ROMO1: variants seen among roughly 807,000 people sequenced by gnomAD.
ROMO1 encodes PCM19.
ROMO1 carries 8 observed loss-of-function variants against 7.4 expected under a neutral mutation model. The observed-to-expected ratio is 1.08, with a 90% CI of 0.63 to 1.95. The LOEUF (loss-of-function observed/expected upper bound fraction) is 1.95. ROMO1 is among the 30% of genes most tolerant of loss of function. The pLI, the probability that ROMO1 is intolerant of heterozygous loss-of-function variation, is 0.00. For synonymous variants in ROMO1, 43 were observed against 41.4 expected, an observed-to-expected ratio of 1.04 and a Z score of -0.15; for missense variants, 91 against 115.9, an observed-to-expected ratio of 0.79 and a Z score of 0.99.
In ROMO1 at chr20:35,699,426, G is replaced by A; in HGVS notation, c.-31G>A. On this transcript the variant is annotated 5_prime_UTR_variant, in exon 1 of 3. Coordinates refer to ENST00000374077, the MANE Select transcript of ROMO1 (RefSeq NM_080748.3). The surrounding 1 kb of genome is among the most constrained non-coding windows in gnomAD (Gnocchi z 4.4). ...CGTCGTTTTCCGTGAGAGACGTAGA[G>A]CTGAGCGACCCAGCCCGCGAGCGAG... 1 of 1,190,136 alleles carries A rather than the reference G, an allele frequency of 8.4e-7. No individual in the cohort carries two copies. Among genetic ancestry groups the A allele is most frequent in the Non-Finnish European group, 1.1e-6 (1 of 877,750 alleles). 73.7% of individuals were successfully genotyped at this position (1,190,136 alleles called of 1,614,324 possible). A position where few individuals can be genotyped will look rare whatever the true frequency, so the allele number is the denominator to read the frequency against.
Position 35,699,724 on chromosome 20 carries a change from TGGC to T in ROMO1, c.96_98del (p.Ala33del). 3 of 1,612,978 alleles carry T rather than the reference TGGC, an allele frequency of 1.9e-6. No individual in the cohort carries two copies. The highest frequency in any genetic ancestry group is 2.5e-6 in the Non-Finnish European group (3 of 1,179,948). The stretch of plus-strand genomic sequence containing the variant: ...TTCGTGATGGGTTGCGCCGTGGGCA[TGGC>T]GGCCGGGGCGCTCTTCGGCACCTTT... On this transcript the variant is annotated inframe_deletion, in exon 2 of 3. Coordinates refer to ENST00000374077, the MANE Select transcript of ROMO1 (RefSeq NM_080748.3). This position sits in a 1 kb window ranked among gnomAD's most constrained non-coding sequence, Gnocchi z 4.4.
Position 35,700,889 on chromosome 20 carries a change from A to C in ROMO1, c.223A>C (p.Met75Leu). Reference sequence around the variant, plus strand: ...CTTTGGCACATTCATGGCCATTGGGATGGGCATCCGATGCTAACCATGGTT... The same window carrying C: ...CTTTGGCACATTCATGGCCATTGGGCTGGGCATCCGATGCTAACCATGGTT... ...GTFGTFMAIG[M>L]GIRC The change falls in exon 3 of 3, where the codon ATG becomes CTG. Residue 75 changes from methionine to leucine, a missense_variant. By Grantham distance (15) the Met-to-Leu change is conservative (BLOSUM62 2). Transcript: ENST00000374077. 6.2e-7 allele frequency: 1 copy of C among 1,613,630 alleles called. No homozygotes were observed. Among genetic ancestry groups the C allele is most frequent in the South Asian group, 1.1e-5 (1 of 91,068 alleles).
rs1234643944 is a variant in ROMO1 at position 35,699,873 on chromosome 20, C to G, written c.131+110C>G. On this transcript the variant is annotated intron_variant, in intron 2 of 2. Transcript: ENST00000374077. The surrounding 1 kb of genome is among the most constrained non-coding windows in gnomAD (Gnocchi z 4.4). Reference sequence around the variant, plus strand: ...TCCTTCTTTCGACTTCCCTCTCTGTCCCCTCGCGAGCCAGACTCATTCCAA... The same window carrying G: ...TCCTTCTTTCGACTTCCCTCTCTGTGCCCTCGCGAGCCAGACTCATTCCAA... 7.9e-6 allele frequency: 11 copies of G among 1,394,952 alleles called. No homozygotes were observed. The highest frequency in any genetic ancestry group is 1.4e-5 in the South Asian group (1 of 72,730). The allele number at this position is 1,394,952 out of a possible 1,614,324, so 86.4% of individuals were successfully genotyped here.
rs867835237 is a variant in ROMO1, at chr20:35,700,970, G to A, written c.*64G>A. On this transcript the variant is annotated 3_prime_UTR_variant, in exon 3 of 3. Coordinates refer to ENST00000374077, the MANE Select transcript of ROMO1 (RefSeq NM_080748.3). Reference sequence around the variant, plus strand: ...CCAGCCCATGTACTAATAAAAGAAAGTCTTTGAGTAGTCAGTGTCCCTCTC... The same window carrying A: ...CCAGCCCATGTACTAATAAAAGAAAATCTTTGAGTAGTCAGTGTCCCTCTC... 2.6e-6 allele frequency: 3 copies of A among 1,152,886 alleles called. No homozygotes were observed. The highest frequency in any genetic ancestry group is 3.9e-6 in the Non-Finnish European group (3 of 760,370). 71.4% of individuals were successfully genotyped at this position (1,152,886 alleles called of 1,614,324 possible).
chr20:35,699,568 A>T lies in ROMO1; in HGVS notation c.1-65A>T, dbSNP rs913243991. The T allele has an allele frequency of 6.3e-6, 10 of 1,598,558 alleles. No homozygotes were observed. In the African/African-American group the frequency reaches 1.2e-4, roughly 19 times the overall value. ...AGCCCTTGGGCCCACTTCCCAGCCT[A>T]CCGCTTCCGTCCCCGCCCGACTCTT... On this transcript the variant is annotated intron_variant, in intron 1 of 2. Transcript: ENST00000374077. This position sits in a 1 kb window ranked among gnomAD's most constrained non-coding sequence, Gnocchi z 4.4.
Position 35,700,812 on chromosome 20 carries a change from G to A in ROMO1, c.146G>A (p.Gly49Asp). The change falls in exon 3 of 3, where the codon GGT becomes GAT. Residue 49 changes from glycine to aspartate, a missense_variant. Coordinates refer to ENST00000374077, the MANE Select transcript of ROMO1 (RefSeq NM_080748.3). The stretch of plus-strand genomic sequence containing the variant: ...TTCCTCCTCAGGATCGGAATGCGGG[G>A]TCGAGAGCTGATGGGCGGCATTGGG... ...TFSCLRIGMR[G>D]RELMGGIGKT... The A allele has an allele frequency of 6.2e-7, 1 of 1,614,150 alleles. No individual in the cohort carries two copies. Among genetic ancestry groups the A allele is most frequent in the Non-Finnish European group, 8.5e-7 (1 of 1,179,986 alleles).
Position 35,699,731 on chromosome 20 carries a change from C to CG in ROMO1, c.103dup (p.Ala35GlyfsTer70). 1 of 1,612,452 alleles carries CG rather than the reference C, an allele frequency of 6.2e-7. No individual in the cohort carries two copies. Among genetic ancestry groups the CG allele is most frequent in the Non-Finnish European group, 8.5e-7 (1 of 1,179,932 alleles). On this transcript the variant is annotated frameshift_variant, in exon 2 of 3. Transcript: ENST00000374077. LOFTEE classifies it high-confidence loss of function. The surrounding 1 kb of genome is among the most constrained non-coding windows in gnomAD (Gnocchi z 4.4). ...TGGGTTGCGCCGTGGGCATGGCGGC[C>CG]GGGGCGCTCTTCGGCACCTTTTCCT...
At position 35,699,549 on chromosome 20, in the gene ROMO1, T is replaced by C; in HGVS notation, c.1-84T>C. The C allele has an allele frequency of 1.3e-6, 2 of 1,576,412 alleles. No homozygotes were observed. The highest frequency in any genetic ancestry group is 1.7e-5 in the Admixed American group (1 of 58,898). ...CCTTCCCTTACTTCCCCTGAGCCCTTGGGCCCACTTCCCAGCCTACCGCTT... is the reference window on the plus strand; with the variant it reads ...CCTTCCCTTACTTCCCCTGAGCCCTCGGGCCCACTTCCCAGCCTACCGCTT... On this transcript the variant is annotated intron_variant, in intron 1 of 2. Coordinates refer to ENST00000374077, the MANE Select transcript of ROMO1 (RefSeq NM_080748.3). The surrounding 1 kb of genome is among the most constrained non-coding windows in gnomAD (Gnocchi z 4.4).
At position 35,699,441 on chromosome 20, in the gene ROMO1, C is replaced by G. The variant is rs770941361; in HGVS notation, c.-16C>G. Reference sequence around the variant, plus strand: ...GAGACGTAGAGCTGAGCGACCCAGCCCGCGAGCGAGGTGAGGTAGGCGCCG... The same window carrying G: ...GAGACGTAGAGCTGAGCGACCCAGCGCGCGAGCGAGGTGAGGTAGGCGCCG... On this transcript the variant is annotated 5_prime_UTR_variant, in exon 1 of 3. Coordinates refer to ENST00000374077, the MANE Select transcript of ROMO1 (RefSeq NM_080748.3). This position sits in a 1 kb window ranked among gnomAD's most constrained non-coding sequence, Gnocchi z 4.4. The G allele has an allele frequency of 8.4e-7, 1 of 1,186,268 alleles. No homozygotes were observed. Among genetic ancestry groups the G allele is most frequent in the Non-Finnish European group, 1.1e-6 (1 of 870,218 alleles). 73.5% of individuals were successfully genotyped at this position (1,186,268 alleles called of 1,614,324 possible). A position where few individuals can be genotyped will look rare whatever the true frequency, so the allele number is the denominator to read the frequency against.
intron 2 of ROMO1, among the ~76,000 whole-genome samples, chr20:35,700,550 C>T (rs1197855379): frequency 2.0e-5 from 3 of 152,174 alleles, no homozygotes; most frequent in Non-Finnish European, 4.4e-5. Context: ...GTATTTTACA[C>T]TGCATCTGCT....
At position 35,699,736 on chromosome 20, in the gene ROMO1, C is replaced by T. The variant is rs1376339387; in HGVS notation, c.104C>T (p.Ala35Val). 2 of 1,611,754 alleles carry T rather than the reference C, an allele frequency of 1.2e-6. No homozygotes were observed. Among genetic ancestry groups the T allele is most frequent in the East Asian group, 2.2e-5 (1 of 44,860 alleles). ...TGCGCCGTGGGCATGGCGGCCGGGG[C>T]GCTCTTCGGCACCTTTTCCTGTCTC... ...MGCAVGMAAGALFGTFSCLRI... is the reference protein window; with the variant it reads ...MGCAVGMAAGVLFGTFSCLRI... Residue 35 changes from alanine to valine, a missense_variant, in exon 2 of 3, where the codon GCG becomes GTG. Ala to Val is a moderately conservative substitution (Grantham distance 64). Coordinates refer to ENST00000374077, the MANE Select transcript of ROMO1 (RefSeq NM_080748.3). This position sits in a 1 kb window ranked among gnomAD's most constrained non-coding sequence, Gnocchi z 4.4.
rs568986095 is a variant in ROMO1, at chr20:35,699,844, A to T, written c.131+81A>T. 145 of 1,492,902 alleles carry T rather than the reference A, an allele frequency of 9.7e-5. No individual in the cohort carries two copies. In the Middle Eastern group the frequency reaches 4.1e-3, roughly 42 times the overall value. The allele number at this position is 1,492,902 out of a possible 1,614,324, so 92.5% of individuals were successfully genotyped here. ...CCCATTCGGCCTGGAGCCTGAACACAGCCTCCTTCTTTCGACTTCCCTCTC... is the reference window on the plus strand; with the variant it reads ...CCCATTCGGCCTGGAGCCTGAACACTGCCTCCTTCTTTCGACTTCCCTCTC... On this transcript the variant is annotated intron_variant, in intron 2 of 2. Transcript: ENST00000374077. This position sits in a 1 kb window ranked among gnomAD's most constrained non-coding sequence, Gnocchi z 4.4.
chr20:35,699,578 TC>T lies in ROMO1; in HGVS notation c.1-51del. 1 of 1,603,078 alleles carries T rather than the reference TC, an allele frequency of 6.2e-7. No individual in the cohort carries two copies. On this transcript the variant is annotated intron_variant, in intron 1 of 2. Coordinates refer to ENST00000374077, the MANE Select transcript of ROMO1 (RefSeq NM_080748.3). The surrounding 1 kb of genome is among the most constrained non-coding windows in gnomAD (Gnocchi z 4.4). Reference sequence around the variant, plus strand: ...CCCACTTCCCAGCCTACCGCTTCCGTCCCCGCCCGACTCTTGGGCCAGCGCC... The same window carrying T: ...CCCACTTCCCAGCCTACCGCTTCCGTCCCGCCCGACTCTTGGGCCAGCGCC...
At chr20:35,700,704 CTA>C in intron 2 of ROMO1, 92 bp from the exon 3 acceptor site, 1 of 941,186 alleles carries the variant, frequency 1.1e-6, no homozygotes, top group Non-Finnish European at 1.7e-6. Context: ...GTAGGGGTTG[CTA>C]GACTAGTGTT....
In ROMO1 at chr20:35,699,539, C is replaced by A. The variant is rs2035212558; in HGVS notation, c.-1+83C>A. 6.5e-7 allele frequency: 1 copy of A among 1,550,150 alleles called. No homozygotes were observed. Among genetic ancestry groups the A allele is most frequent in the Admixed American group, 1.7e-5 (1 of 57,902 alleles). ...CACTGATTTTCCTTCCCTTACTTCC[C>A]CTGAGCCCTTGGGCCCACTTCCCAG... is the stretch of plus-strand genomic sequence containing the variant. On this transcript the variant is annotated intron_variant, in intron 1 of 2. Transcript: ENST00000374077. The surrounding 1 kb of genome is among the most constrained non-coding windows in gnomAD (Gnocchi z 4.4).
chr20:35,699,717 G>A lies in ROMO1; in HGVS notation c.85G>A (p.Val29Met). Residue 29 changes from valine (V) to methionine (M), a missense_variant, in exon 2 of 3, where the codon GTG (valine) becomes ATG (methionine). Transcript: ENST00000374077. This position sits in a 1 kb window ranked among gnomAD's most constrained non-coding sequence, Gnocchi z 4.4. ...AATGGGCTTCGTGATGGGTTGCGCC[G>A]TGGGCATGGCGGCCGGGGCGCTCTT... ...VKMGFVMGCA[V>M]GMAAGALFGT... The A allele has an allele frequency of 6.2e-7, 1 of 1,613,198 alleles. No individual in the cohort carries two copies. Among genetic ancestry groups the A allele is most frequent in the Non-Finnish European group, 8.5e-7 (1 of 1,179,988 alleles).
chr20:35,700,130 A>T (rs1396611849), intron 2 of ROMO1, among the ~76,000 whole-genome samples: 1 of 152,208 alleles, frequency 6.6e-6, no homozygotes, highest in African/African-American at 2.4e-5. Context: ...CTCAGTAACT[A>T]GTTACTACTG....
In ROMO1 at chr20:35,699,689, C is replaced by T. The variant is rs2035217538; in HGVS notation, c.57C>T (p.Val19=). Residue 19 remains valine (V), a synonymous_variant, in exon 2 of 3, where the codon GTC becomes GTT. Transcript: ENST00000374077. This position sits in a 1 kb window ranked among gnomAD's most constrained non-coding sequence, Gnocchi z 4.4. The part of the protein sequence containing the change: ...GQSQPSCFDR[V]KMGFVMGCAV... ...CCCAGCCAAGCTGCTTCGACCGTGTCAAAATGGGCTTCGTGATGGGTTGCG... is the reference window on the plus strand; with the variant it reads ...CCCAGCCAAGCTGCTTCGACCGTGTTAAAATGGGCTTCGTGATGGGTTGCG... The T allele has an allele frequency of 1.2e-6, 2 of 1,613,678 alleles. No individual in the cohort carries two copies. The highest frequency in any genetic ancestry group is 1.6e-4 in the Middle Eastern group (1 of 6,084).
Position 35,699,888 on chromosome 20 carries a change from A to G in ROMO1, c.131+125A>G, listed in dbSNP as rs1043124052. ...CCCTCTCTGTCCCCTCGCGAGCCAG[A>G]CTCATTCCAAACCACCTTCAATCTG... is the stretch of plus-strand genomic sequence containing the variant. On this transcript the variant is annotated intron_variant, in intron 2 of 2. Coordinates refer to ENST00000374077, the MANE Select transcript of ROMO1 (RefSeq NM_080748.3). The surrounding 1 kb of genome is among the most constrained non-coding windows in gnomAD (Gnocchi z 4.4). 4 of 1,288,250 alleles carry G rather than the reference A, an allele frequency of 3.1e-6. No homozygotes were observed. The highest frequency in any genetic ancestry group is 2.6e-5 in the East Asian group (1 of 39,098). The allele number at this position is 1,288,250 out of a possible 1,614,324, so 79.8% of individuals were successfully genotyped here.
Sources: allele counts gnomAD v4.1 joint callset (sites outside exome capture counted in the v4.1 genomes callset), GRCh38; gene constraint gnomAD v4.1.1; non-coding constraint Gnocchi (gnomAD v3.1); transcripts MANE v1.5; gene names NCBI Gene and HGNC (gene_info 2026-07-23, HGNC 2026-07-21).